Variants in TSNAXIP1 observed in about 807,000 individuals in gnomAD.
TSNAXIP1 encodes translin associated factor X interacting protein 1.
In TSNAXIP1, 89 loss-of-function variants were observed where a neutral mutation model predicts 84.8. The observed-to-expected ratio is 1.05, with a 90% CI of 0.88 to 1.25. The LOEUF is 1.25. Ranked by LOEUF, TSNAXIP1 falls within the 50% of genes most tolerant of loss-of-function variation. The pLI is 0.00. For missense variants in TSNAXIP1, 874 were observed against 887.6 expected (o/e 0.98, Z 0.20); for synonymous variants, 347 against 335.2 (o/e 1.04, Z -0.39).
At chr16:67,810,801 A>G (rs1366551162) in intron 1 of TSNAXIP1, among the ~76,000 whole-genome samples, 1 of 147,606 alleles carries the variant, frequency 6.8e-6, no homozygotes, top group Non-Finnish European at 1.5e-5. Context: ...GTGCAGTGGC[A>G]TGATCTCAGC....
intron 2 of TSNAXIP1, among the ~76,000 whole-genome samples, chr16:67,814,944 C>T (rs545670779): frequency 2.2e-4 from 33 of 152,194 alleles, no homozygotes; most frequent in Admixed American, 1.2e-3. Context: ...CGGATCTCTC[C>T]GCCATTCCTC....
At chr16:67,820,114 G>GACTAT in intron 2 of TSNAXIP1, among the ~76,000 whole-genome samples, 1 of 151,264 alleles carries the variant, frequency 6.6e-6, no homozygotes, top group African/African-American at 2.4e-5. Context: ...CACCATGCCC[G>GACTAT]GCCTAATTTT....
chr16:67,815,221 C>T (rs1007737770), intron 2 of TSNAXIP1, among the ~76,000 whole-genome samples: 6 of 143,796 alleles, frequency 4.2e-5, no homozygotes, highest in Admixed American at 1.5e-4. Flanking sequence ...GGCTGAGGCA[C>T]GAGAATTGCT....
chr16:67,808,315 G>A (rs941856002), intron 1 of TSNAXIP1, among the ~76,000 whole-genome samples: 1 of 152,100 alleles, frequency 6.6e-6, no homozygotes, highest in East Asian at 1.9e-4. Flanking sequence ...GGTGGCTCAC[G>A]CCTATAATCC....
chr16:67,819,387 G>A (rs960355336), intron 2 of TSNAXIP1, among the ~76,000 whole-genome samples: 3 of 151,168 alleles, frequency 2.0e-5, no homozygotes, highest in Non-Finnish European at 4.4e-5. Flanking sequence ...GGGAATACAG[G>A]CGTGTGCCAC....
At chr16:67,823,906 C>T (rs1598087813) in intron 5 of TSNAXIP1, among the ~76,000 whole-genome samples, 187 bp downstream of exon 5, 1 of 149,882 alleles carries the variant, frequency 6.7e-6, no homozygotes, top group South Asian at 2.1e-4. Context: ...GTAATCCCAG[C>T]TACTTGGGAG....
At chr16:67,809,006 G>GT (rs1448027347) in intron 1 of TSNAXIP1, among the ~76,000 whole-genome samples, 1 of 148,716 alleles carries the variant, frequency 6.7e-6, no homozygotes, top group Non-Finnish European at 1.5e-5. Flanking sequence ...GGGAAACATA[G>GT]TAAGACCCTG....
intron 4 of TSNAXIP1, 59 bp from the exon 5 acceptor site, chr16:67,823,564 CAGT>C: frequency 7.3e-7 from 1 of 1,365,442 alleles, no homozygotes; most frequent in Non-Finnish European, 1.0e-6. Context: ...AAAAGAAAAA[CAGT>C]TCCCCACTAA....
intron 1 of TSNAXIP1, among the ~76,000 whole-genome samples, chr16:67,808,518 G>A (rs1248694390): frequency 2.0e-5 from 3 of 151,680 alleles, no homozygotes; most frequent in Non-Finnish European, 4.4e-5. Context: ...AGCTTGCAGT[G>A]AGCCGAGATC....
At chr16:67,825,036 C>A in intron 6 of TSNAXIP1, 101 bp from the exon 7 acceptor site, 1 of 1,493,728 alleles carries the variant, frequency 6.7e-7, no homozygotes, top group Non-Finnish European at 9.0e-7. Context: ...TGTTCACAGT[C>A]CCTGATGGGG....
intron 2 of TSNAXIP1, among the ~76,000 whole-genome samples, chr16:67,817,840 A>G (rs952098309): frequency 1.3e-5 from 2 of 151,376 alleles, no homozygotes; most frequent in Non-Finnish European, 2.9e-5. Flanking sequence ...GAGCCAAGAT[A>G]GTGCCACTGC....
chr16:67,824,491 G>A (rs1177709224), intron 5 of TSNAXIP1, 92 bp from the exon 6 acceptor site: 1 of 1,261,428 alleles, frequency 7.9e-7, no homozygotes, highest in East Asian at 2.3e-5. Flanking sequence ...GGGTTTGCAA[G>A]CGACATAGCC....
rs762100032 is a variant in TSNAXIP1 at position 67,827,316 on chromosome 16, G to C, written c.1732G>C (p.Gly578Arg). 123 of 1,614,068 alleles carry C rather than the reference G, an allele frequency of 7.6e-5. No homozygotes were observed. The highest frequency in any genetic ancestry group is 1.0e-4 in the Non-Finnish European group (118 of 1,180,050). Reference sequence around the variant, plus strand: ...AATCCAGGAGCTGATGGAGGCAGGGGGCTGGCATCCCAGCAGCAGCAATGC... The same window carrying C: ...AATCCAGGAGCTGATGGAGGCAGGGCGCTGGCATCCCAGCAGCAGCAATGC... ...EQIQELMEAG[G>R]WHPSSSNADL... is the part of the protein sequence containing the mutation. The change falls in exon 14 of 16, where the codon GGC becomes CGC. Residue 578 changes from glycine (G) to arginine (R), a missense_variant. By Grantham distance (125) the Gly-to-Arg change is moderately radical. Transcript: ENST00000561639.
intron 1 of TSNAXIP1, among the ~76,000 whole-genome samples, chr16:67,810,946 C>A (rs1192341971): frequency 1.3e-5 from 2 of 151,514 alleles, no homozygotes; most frequent in African/African-American, 2.4e-5. Flanking sequence ...ACCGTGTTAG[C>A]CAGGATGGTC....
intron 4 of TSNAXIP1, 32 bp downstream of exon 4, chr16:67,821,257 G>A (rs1411701257): frequency 9.1e-6 from 14 of 1,532,976 alleles, no homozygotes; most frequent in African/African-American, 1.4e-5. Flanking sequence ...TGGGGAGGGC[G>A]GGGGAAGGGT....
rs138091096 is a variant in TSNAXIP1, at chr16:67,827,644, G to A, written c.1898+65G>A. The A allele has an allele frequency of 5.2e-4, 845 of 1,611,428 alleles. 7 individuals carry two copies. In the African/African-American group the frequency reaches 0.01, roughly 20 times the overall value. The stretch of plus-strand genomic sequence containing the variant: ...GCCCCTGAAGCCCCTGGGTCTCCCT[G>A]TGCACCATGCACCATCCACTGCTCA... On this transcript the variant is annotated intron_variant, in intron 15 of 15. Transcript: ENST00000561639.
intron 9 of TSNAXIP1, 35 bp downstream of exon 9, chr16:67,826,111 A>G (rs2057420913): frequency 6.2e-7 from 1 of 1,613,178 alleles, no homozygotes; most frequent in Admixed American, 1.7e-5. Context: ...GGTCCTGCTT[A>G]CATGTGGGCC....
intron 6 of TSNAXIP1, among the ~76,000 whole-genome samples, 175 bp downstream of exon 6, chr16:67,824,954 C>G (rs1186286926): frequency 1.3e-5 from 2 of 152,214 alleles, no homozygotes; most frequent in African/African-American, 4.8e-5. Context: ...CAGTACTTTC[C>G]CCACAGGGGG....
At position 67,825,964 on chromosome 16, in the gene TSNAXIP1, G is replaced by A; in HGVS notation, c.1032G>A (p.Glu344=). The A allele has an allele frequency of 1.2e-6, 2 of 1,614,144 alleles. No individual in the cohort carries two copies. Among genetic ancestry groups the A allele is most frequent in the South Asian group, 1.1e-5 (1 of 91,086 alleles). ...ACGAGGAGGTTCGCAAGGAGCATGA[G>A]ATCCTCATGCAGCTGCACATGAGCA... ...ASYEEVRKEH[E]ILMQLHMSTL... Residue 344 remains glutamate (E), a synonymous_variant, in exon 9 of 16, where the codon GAG becomes GAA. Coordinates refer to ENST00000561639, the MANE Select transcript of TSNAXIP1 (RefSeq NM_001288990.3).
Sources: gnomAD v4.1 joint callset for allele counts (sites outside exome capture counted in the v4.1 genomes callset) on GRCh38, gnomAD v4.1.1 for gene constraint, MANE v1.5 for transcripts, NCBI Gene and HGNC (gene_info 2026-07-23, HGNC 2026-07-21) for gene names.